Variants in GPC6 observed in about 807,000 individuals in gnomAD.
GPC6 encodes glypican 6, also known as glypican-6.
In GPC6, 14 loss-of-function variants were observed where a neutral mutation model predicts 55.2. That is an observed-to-expected ratio of 0.25 (90% CI 0.17 to 0.40). GPC6 has a LOEUF of 0.40. GPC6 is among the 10% of genes least tolerant of loss of function. The pLI, the probability that GPC6 is intolerant of heterozygous loss-of-function variation, is 1.00. For synonymous variants in GPC6, 278 were observed against 259.6 expected, an observed-to-expected ratio of 1.07 and a Z score of -0.68; for missense variants, 641 against 708.5, an observed-to-expected ratio of 0.90 and a Z score of 1.08.
intron 3 of GPC6, among the ~76,000 whole-genome samples, chr13:93,976,098 G>A (rs924788448): frequency 2.0e-5 from 3 of 152,072 alleles, no homozygotes; most frequent in Non-Finnish European, 4.4e-5. Flanking sequence ...CTCCTCCATT[G>A]AGCCAATTTA....
chr13:93,698,418 G>A (rs1882538329), intron 2 of GPC6, among the ~76,000 whole-genome samples: 1 of 132,878 alleles, frequency 7.5e-6, no homozygotes, highest in African/African-American at 2.8e-5. Flanking sequence ...TCTTGGAAAT[G>A]TTATCAGCAT....
At chr13:94,069,608 A>G (rs866587400) in intron 4 of GPC6, among the ~76,000 whole-genome samples, 1 of 152,088 alleles carries the variant, frequency 6.6e-6, no homozygotes, top group Non-Finnish European at 1.5e-5. Flanking sequence ...ACAGTACCCA[A>G]ATCACCTCTT....
chr13:93,369,128 A>C (rs1881364354), intron 1 of GPC6, among the ~76,000 whole-genome samples: 1 of 151,998 alleles, frequency 6.6e-6, no homozygotes, highest in African/African-American at 2.4e-5. Flanking sequence ...TGGGGGTAGA[A>C]GTATGGGCTC....
At chr13:93,251,163 G>A (rs1324065700) in intron 1 of GPC6, among the ~76,000 whole-genome samples, 2 of 152,078 alleles carry the variant, frequency 1.3e-5, no homozygotes, top group Admixed American at 6.6e-5. Flanking sequence ...ATTTGGGTGG[G>A]GACATAGCCA....
chr13:93,496,951 C>T (rs1164308195), intron 1 of GPC6, among the ~76,000 whole-genome samples: 1 of 152,126 alleles, frequency 6.6e-6, no homozygotes, highest in Admixed American at 6.6e-5. Context: ...CTGATCTAAA[C>T]ATTGCTAGGC....
chr13:93,292,311 A>G (rs1878345001), intron 1 of GPC6, among the ~76,000 whole-genome samples: 1 of 152,214 alleles, frequency 6.6e-6, no homozygotes, highest in Non-Finnish European at 1.5e-5. Context: ...AGGAAGATTC[A>G]TGATTTGGTG....
Position 93,545,368 on chromosome 13 carries a change from A to G in GPC6, c.266A>G (p.Glu89Gly), listed in dbSNP as rs755088427. ...SKLEFENLVE[E>G]TSHFVRTTFV... ...CTCGAATTTGAAAACCTTGTGGAAG[A>G]GACAAGCCATTTTGTGCGCACCACT... is the stretch of plus-strand genomic sequence containing the variant. The change falls in exon 2 of 9, where the codon GAG becomes GGG. Residue 89 changes from glutamate to glycine, a missense_variant. Physicochemically the swap from Glu to Gly is moderately conservative, Grantham distance 98. Transcript: ENST00000377047. The G allele has an allele frequency of 1.9e-5, 31 of 1,613,818 alleles. No individual in the cohort carries two copies. Among genetic ancestry groups the G allele is most frequent in the Non-Finnish European group, 2.3e-5 (27 of 1,179,828 alleles).
intron 2 of GPC6, among the ~76,000 whole-genome samples, chr13:93,548,032 T>G (rs1025839636): frequency 1.6e-4 from 25 of 152,206 alleles, no homozygotes; most frequent in African/African-American, 4.6e-4. Context: ...AATGTCAGTT[T>G]GATGTGAGCA....
At chr13:93,573,858 A>G (rs1876530818) in intron 2 of GPC6, among the ~76,000 whole-genome samples, 1 of 152,086 alleles carries the variant, frequency 6.6e-6, no homozygotes, top group Admixed American at 6.5e-5. Flanking sequence ...ATCCATTTCT[A>G]CAGCAAACTG....
rs151305354 is a variant in GPC6, at chr13:94,083,141, C to T, written c.877+55247C>T. Among the ~76,000 whole-genome samples the T allele has an allele frequency of 3.7e-4, 57 of 152,260 alleles. 1 individual carries two copies. The East Asian group carries it at 5.8e-3, about 15-fold the overall frequency. ...TTTTCTTTTGTTTTGTTTTTTGAGA[C>T]GGAGTCTCGCTGTGTTGCCCAGGCT... On this transcript the variant is annotated intron_variant, in intron 4 of 8. Coordinates refer to ENST00000377047, the MANE Select transcript of GPC6 (RefSeq NM_005708.5).
At chr13:93,267,863 T>C (rs1877377249) in intron 1 of GPC6, among the ~76,000 whole-genome samples, 1 of 152,056 alleles carries the variant, frequency 6.6e-6, no homozygotes, top group South Asian at 2.1e-4. Flanking sequence ...AAAGAAAAAA[T>C]ATGCTTAGAT....
chr13:93,774,053 G>A (rs9561441), intron 2 of GPC6, among the ~76,000 whole-genome samples: 12,830 of 152,184 alleles, frequency 0.084, 867 homozygotes, highest in East Asian at 0.3. Flanking sequence ...TGACAGATCC[G>A]TGGGCATAGC....
rs144231082 is a variant in GPC6, at chr13:94,186,297, G to A, written c.878-100052G>A. ...TTTTTCTTGCACAAAACACAAAGCA[G>A]TAACTATAATTTCTGCCTTTAGCTT... On this transcript the variant is annotated intron_variant, in intron 4 of 8. Coordinates refer to ENST00000377047, the MANE Select transcript of GPC6 (RefSeq NM_005708.5). 2.6e-4 allele frequency among the ~76,000 whole-genome samples: 40 copies of A among 152,218 alleles called. 1 individual carries two copies. Among genetic ancestry groups the A allele is most frequent in the African/African-American group, 9.6e-4 (40 of 41,532 alleles).
intron 1 of GPC6, among the ~76,000 whole-genome samples, chr13:93,521,660 A>G: frequency 6.6e-6 from 1 of 151,992 alleles, no homozygotes; most frequent in South Asian, 2.1e-4. Context: ...ACAGGTTGTG[A>G]CAAATACTAA....
chr13:93,853,238 C>T (rs1341368721), intron 3 of GPC6, among the ~76,000 whole-genome samples: 1 of 151,624 alleles, frequency 6.6e-6, no homozygotes, highest in Non-Finnish European at 1.5e-5. Flanking sequence ...TTTGTCTTTC[C>T]CTGCTTCTTG....
chr13:93,566,024 G>A (rs941744928), intron 2 of GPC6, among the ~76,000 whole-genome samples: 2 of 152,014 alleles, frequency 1.3e-5, no homozygotes, highest in Non-Finnish European at 2.9e-5. Context: ...AATATAGTGA[G>A]TGAATTACCT....
At chr13:93,566,017 A>G (rs756330831) in intron 2 of GPC6, among the ~76,000 whole-genome samples, 1 of 152,178 alleles carries the variant, frequency 6.6e-6, no homozygotes, top group Non-Finnish European at 1.5e-5. Flanking sequence ...ACAAAAAAAT[A>G]TAGTGAGTGA....
chr13:93,441,000 C>T (rs1046043248), intron 1 of GPC6, among the ~76,000 whole-genome samples: 8 of 152,126 alleles, frequency 5.3e-5, no homozygotes, highest in African/African-American at 1.4e-4. Context: ...TAGCTTCATC[C>T]ATGTCCCTAC....
intron 1 of GPC6, among the ~76,000 whole-genome samples, chr13:93,228,671 C>G (rs1044375128): frequency 1.3e-5 from 2 of 152,092 alleles, no homozygotes; most frequent in Admixed American, 6.5e-5. Flanking sequence ...TGAGAGAGGC[C>G]GAGGGAGGCC....
Sources: allele counts gnomAD v4.1 joint callset (sites outside exome capture counted in the v4.1 genomes callset), GRCh38; gene constraint gnomAD v4.1.1; transcripts MANE v1.5; gene names NCBI Gene and HGNC (gene_info 2026-07-23, HGNC 2026-07-21).